Variants in UTRN observed in about 807,000 individuals in gnomAD.
UTRN encodes the protein dystrophin-related protein 1.
In UTRN, 283 loss-of-function variants were observed where a neutral mutation model predicts 463.9. That is an observed-to-expected ratio of 0.61 (90% CI 0.55 to 0.67). The LOEUF (loss-of-function observed/expected upper bound fraction) is 0.67, where lower values mean the gene tolerates loss of function less well. Ranked by LOEUF, UTRN falls within the 30% of genes least tolerant of loss-of-function variation. The pLI is 0.00. For missense variants in UTRN, 3,922 were observed against 4,084.3 expected (o/e 0.96, Z 1.08); for synonymous variants, 1,442 against 1,431.5 (o/e 1.01, Z -0.17).
intron 55 of UTRN, among the ~76,000 whole-genome samples, chr6:144,748,773 G>T (rs955665259): frequency 6.6e-6 from 1 of 152,004 alleles, no homozygotes; most frequent in Admixed American, 6.6e-5. Flanking sequence ...ATCCAACTGT[G>T]CATCTCTAGA....
intron 65 of UTRN, among the ~76,000 whole-genome samples, chr6:144,806,446 A>G (rs975450774): frequency 6.6e-6 from 1 of 152,316 alleles, no homozygotes; most frequent in African/African-American, 2.4e-5. Context: ...TCTGTATGAC[A>G]GGTCACTTTC....
At chr6:144,609,075 A>C (rs1302912808) in intron 51 of UTRN, among the ~76,000 whole-genome samples, 1 of 152,200 alleles carries the variant, frequency 6.6e-6, no homozygotes, top group Admixed American at 6.5e-5. Context: ...CTTCAATAAA[A>C]TAACCAAGAC....
chr6:144,423,850 C>T (rs554719827), intron 5 of UTRN, 136 bp from the exon 6 acceptor site: 1 of 981,960 alleles, frequency 1.0e-6, no homozygotes, highest in South Asian at 1.5e-5. Flanking sequence ...TTAAGCTTAC[C>T]TGATTCTCTA....
intron 69 of UTRN, among the ~76,000 whole-genome samples, chr6:144,830,378 A>G (rs533287135): frequency 6.6e-6 from 1 of 152,210 alleles, no homozygotes; most frequent in South Asian, 2.1e-4. Flanking sequence ...ATGTAATGGT[A>G]TGCTGGAGCC....
intron 54 of UTRN, among the ~76,000 whole-genome samples, chr6:144,744,320 A>ATATATGTGTG (rs1430903028): frequency 1.0e-5 from 1 of 95,450 alleles, no homozygotes; most frequent in African/African-American, 4.4e-5. Flanking sequence ...ATATATATAT[A>ATATATGTGTG]TGTGTGTGTG....
intron 54 of UTRN, among the ~76,000 whole-genome samples, chr6:144,742,846 T>G (rs1327837601): frequency 6.6e-6 from 1 of 152,226 alleles, no homozygotes; most frequent in African/African-American, 2.4e-5. Context: ...TTTTTTTCTT[T>G]ACTTGATTGT....
At chr6:144,624,887 C>T (rs537829187) in intron 51 of UTRN, among the ~76,000 whole-genome samples, 133 of 152,160 alleles carry the variant, frequency 8.7e-4, no homozygotes, top group Non-Finnish European at 1.5e-3. Context: ...ACCATGAATA[C>T]GTTGAGGGAG....
chr6:144,624,771 C>G (rs540963817), intron 51 of UTRN, among the ~76,000 whole-genome samples: 1 of 152,234 alleles, frequency 6.6e-6, no homozygotes, highest in African/African-American at 2.4e-5. Flanking sequence ...GATAGGAAGT[C>G]AGGTCTTTAC....
chr6:144,820,039 A>C (rs73596523), intron 65 of UTRN, among the ~76,000 whole-genome samples: 1,541 of 152,074 alleles, frequency 0.01, 26 homozygotes, highest in African/African-American at 0.034. Context: ...AGGTAATGTA[A>C]ATATTTTAAA....
In UTRN at chr6:144,445,351, C is replaced by CAAAAAA. The variant is rs11419379; in HGVS notation, c.1614+982_1614+987dup. ...GGGAGACAAGAGCGAGACTCCCTCT[C>CAAAAAA]AAAAAAAAAAAAAAAAAAGCAAATA... On this transcript the variant is annotated intron_variant, in intron 14 of 74. Coordinates refer to ENST00000367545, the MANE Select transcript of UTRN (RefSeq NM_007124.3). Among the ~76,000 whole-genome samples the CAAAAAA allele has an allele frequency of 1.6e-4, 17 of 106,486 alleles. No individual in the cohort carries two copies. The East Asian group carries it at 2.6e-3, about 16-fold the overall frequency. The allele number at this position is 106,486 out of a possible 152,430, so 69.9% of individuals were successfully genotyped here. A position where few individuals can be genotyped will look rare whatever the true frequency, so the allele number is the denominator to read the frequency against.
intron 51 of UTRN, among the ~76,000 whole-genome samples, chr6:144,609,549 A>G (rs1805248128): frequency 6.6e-6 from 1 of 152,210 alleles, no homozygotes; most frequent in South Asian, 2.1e-4. Context: ...GAAAATCAGT[A>G]TAGAAACTTT....
intron 51 of UTRN, among the ~76,000 whole-genome samples, chr6:144,609,132 T>C: frequency 6.6e-6 from 1 of 152,254 alleles, no homozygotes; most frequent in South Asian, 2.1e-4. Flanking sequence ...CTCTCTATTA[T>C]AAAAAGATAC....
chr6:144,522,204 C>T, intron 40 of UTRN, 33 bp downstream of exon 40: 2 of 1,418,724 alleles, frequency 1.4e-6, no homozygotes, highest in Non-Finnish European at 9.3e-7. Context: ...TGAATGGCCA[C>T]AGTTAATGTA....
At chr6:144,681,338 T>C (rs1782174873) in intron 52 of UTRN, among the ~76,000 whole-genome samples, 1 of 151,924 alleles carries the variant, frequency 6.6e-6, no homozygotes, top group Middle Eastern at 3.2e-3. Flanking sequence ...TCCAAGAAAC[T>C]CTAATACATA....
chr6:144,299,837 G>A (rs1292023536), intron 2 of UTRN, among the ~76,000 whole-genome samples: 1 of 152,014 alleles, frequency 6.6e-6, no homozygotes, highest in East Asian at 1.9e-4. Flanking sequence ...TTATCTTAAG[G>A]GGGGGTGGTT....
At chr6:144,360,174 C>T (rs1778955272) in intron 2 of UTRN, among the ~76,000 whole-genome samples, 1 of 143,146 alleles carries the variant, frequency 7.0e-6, no homozygotes, top group South Asian at 2.3e-4. Context: ...CTTTTCTTTC[C>T]TTCTTCCTTT....
chr6:144,794,153 A>G (rs921175991), intron 63 of UTRN, among the ~76,000 whole-genome samples, 162 bp downstream of exon 63: 1 of 152,210 alleles, frequency 6.6e-6, no homozygotes, highest in Admixed American at 6.5e-5. Flanking sequence ...ATTTGCTTCA[A>G]AAAATAGCAA....
intron 2 of UTRN, among the ~76,000 whole-genome samples, chr6:144,357,423 C>T (rs1465461375): frequency 2.0e-5 from 3 of 152,208 alleles, no homozygotes; most frequent in African/African-American, 7.2e-5. Flanking sequence ...GACTTAGAGA[C>T]ATTGAAGCCC....
intron 50 of UTRN, among the ~76,000 whole-genome samples, chr6:144,576,769 A>G (rs1193205790): frequency 5.3e-5 from 8 of 152,210 alleles, no homozygotes; most frequent in Non-Finnish European, 1.2e-4. Flanking sequence ...GAATGAATAG[A>G]ATTGCCTTTT....
Sources: allele counts gnomAD v4.1 joint callset (sites outside exome capture counted in the v4.1 genomes callset), GRCh38; gene constraint gnomAD v4.1.1; transcripts MANE v1.5; gene names NCBI Gene and HGNC (gene_info 2026-07-23, HGNC 2026-07-21).